ARHGAP24: variants seen among roughly 807,000 people sequenced by gnomAD.
The protein encoded by ARHGAP24 is rho GTPase-activating protein 24.
In ARHGAP24, 50 loss-of-function variants were observed where a neutral mutation model predicts 76.4. That is an observed-to-expected ratio of 0.65 (90% confidence interval 0.52 to 0.83). The LOEUF (loss-of-function observed/expected upper bound fraction) is 0.83, where lower values mean the gene tolerates loss of function less well. ARHGAP24 is among the 40% of genes least tolerant of loss of function. The pLI is 0.00. For missense variants in ARHGAP24, 930 were observed against 914.2 expected, an observed-to-expected ratio of 1.02 and a Z score of -0.22; for synonymous variants, 345 against 323.3, an observed-to-expected ratio of 1.07 and a Z score of -0.72.
At chr4:85,647,952 T>A (rs991046401) in intron 2 of ARHGAP24, among the ~76,000 whole-genome samples, 1 of 152,210 alleles carries the variant, frequency 6.6e-6, no homozygotes, top group African/African-American at 2.4e-5. Context: ...GGAAGGTATT[T>A]TTTTTCTAGA....
chr4:85,988,811 T>A (rs574239869), intron 8 of ARHGAP24, among the ~76,000 whole-genome samples: 1 of 151,710 alleles, frequency 6.6e-6, no homozygotes, highest in African/African-American at 2.4e-5. Context: ...TGTATACACA[T>A]CATTTAAAAT....
intron 1 of ARHGAP24, among the ~76,000 whole-genome samples, chr4:85,539,751 A>G (rs966827431): frequency 2.0e-5 from 3 of 152,164 alleles, no homozygotes; most frequent in Admixed American, 2.0e-4. Flanking sequence ...GTGTTTCTGA[A>G]GGAGTGACAG....
intron 3 of ARHGAP24, among the ~76,000 whole-genome samples, chr4:85,891,060 C>T (rs1733862767): frequency 6.6e-6 from 1 of 151,970 alleles, no homozygotes; most frequent in Non-Finnish European, 1.5e-5. Context: ...ATAATGATAA[C>T]CTGAAGCAGG....
At chr4:85,686,882 G>T (rs1723443546) in intron 2 of ARHGAP24, among the ~76,000 whole-genome samples, 1 of 151,918 alleles carries the variant, frequency 6.6e-6, no homozygotes, top group South Asian at 2.1e-4. Flanking sequence ...CAATAGCTAT[G>T]GTCATTACAA....
At chr4:85,756,426 A>G (rs1726497069) in intron 3 of ARHGAP24, among the ~76,000 whole-genome samples, 1 of 152,206 alleles carries the variant, frequency 6.6e-6, no homozygotes, top group Admixed American at 6.5e-5. Flanking sequence ...ATCATAATAT[A>G]ATTTTAGGGC....
intron 2 of ARHGAP24, among the ~76,000 whole-genome samples, chr4:85,671,870 G>A (rs183721313): frequency 2.0e-5 from 3 of 152,242 alleles, no homozygotes; most frequent in Admixed American, 2.0e-4. Flanking sequence ...TCCTAAAAAT[G>A]GACACTGAGA....
chr4:85,836,501 C>T (rs889839315), intron 3 of ARHGAP24, among the ~76,000 whole-genome samples: 2 of 152,178 alleles, frequency 1.3e-5, no homozygotes, highest in South Asian at 2.1e-4. Context: ...CTCAACATCA[C>T]CTTCCCTCTG....
chr4:85,945,322 T>C (rs1277463419), intron 5 of ARHGAP24, among the ~76,000 whole-genome samples: 1 of 152,118 alleles, frequency 6.6e-6, no homozygotes, highest in Non-Finnish European at 1.5e-5. Flanking sequence ...TTTGTATATT[T>C]TGTTGAGATG....
chr4:85,993,753 T>A (rs1460352920), intron 8 of ARHGAP24, among the ~76,000 whole-genome samples: 1 of 152,174 alleles, frequency 6.6e-6, no homozygotes, highest in Admixed American at 6.5e-5. Context: ...TTCTTTGTGA[T>A]TTTGGGCTGT....
chr4:85,741,971 T>A (rs1178328793), intron 3 of ARHGAP24, among the ~76,000 whole-genome samples: 1 of 152,190 alleles, frequency 6.6e-6, no homozygotes, highest in Non-Finnish European at 1.5e-5. Flanking sequence ...AATGAGAGGA[T>A]TATGGAAAAA....
intron 1 of ARHGAP24, among the ~76,000 whole-genome samples, chr4:85,524,948 G>A (rs1333071708): frequency 6.6e-6 from 1 of 152,126 alleles, no homozygotes; most frequent in Non-Finnish European, 1.5e-5. Context: ...CTAGGAGATG[G>A]CTTATGGATT....
At chr4:85,976,927 G>T (rs346476) in intron 7 of ARHGAP24, among the ~76,000 whole-genome samples, 99,794 of 151,398 alleles carry the variant, frequency 0.66, 34,085 homozygotes, top group African/African-American at 0.83. Context: ...GGATTACAGG[G>T]GCCCGCCACC....
intron 2 of ARHGAP24, among the ~76,000 whole-genome samples, chr4:85,711,080 G>T (rs1230925945): frequency 6.6e-6 from 1 of 152,134 alleles, no homozygotes; most frequent in Admixed American, 6.5e-5. Flanking sequence ...AGAACAACAA[G>T]ATCATGTCCT....
Position 86,001,739 on chromosome 4 carries a change from A to G in ARHGAP24, c.*1017A>G, listed in dbSNP as rs1325799705. On this transcript the variant is annotated 3_prime_UTR_variant, in exon 10 of 10. Transcript: ENST00000395184. Reference sequence around the variant, plus strand: ...CTGTTTCCCTCTGAGTGAAACTGCTAGAGTATATGTCACGTAGTGACATTT... The same window carrying G: ...CTGTTTCCCTCTGAGTGAAACTGCTGGAGTATATGTCACGTAGTGACATTT... 1 of 275,418 alleles carries G rather than the reference A, an allele frequency of 3.6e-6. No individual in the cohort carries two copies. Among genetic ancestry groups the G allele is most frequent in the Non-Finnish European group, 6.7e-6 (1 of 148,622 alleles). The allele number at this position is 275,418 out of a possible 1,614,324, so 17.1% of individuals were successfully genotyped here.
intron 3 of ARHGAP24, among the ~76,000 whole-genome samples, chr4:85,748,239 C>T (rs1433485395): frequency 6.6e-6 from 1 of 152,262 alleles, no homozygotes; most frequent in African/African-American, 2.4e-5. Flanking sequence ...AAACAAATTA[C>T]ACAATCCTCC....
intron 1 of ARHGAP24, among the ~76,000 whole-genome samples, chr4:85,505,536 G>A (rs771436054): frequency 2.6e-4 from 39 of 152,016 alleles, no homozygotes; most frequent in Non-Finnish European, 3.1e-4. Flanking sequence ...TTGTGCATGC[G>A]TCACAAAGTT....
chr4:85,664,993 G>T (rs561101418), intron 2 of ARHGAP24, among the ~76,000 whole-genome samples: 1 of 152,178 alleles, frequency 6.6e-6, no homozygotes, highest in Non-Finnish European at 1.5e-5. Context: ...ATATTCTATT[G>T]ATTTGGGTTG....
Position 85,949,390 on chromosome 4 carries a change from C to T in ARHGAP24, c.599+7117C>T, listed in dbSNP as rs149089888. Among the ~76,000 whole-genome samples, 581 of 152,294 alleles carry T rather than the reference C, an allele frequency of 3.8e-3. 5 individuals are homozygous for T. The highest frequency in any genetic ancestry group is 0.013 in the African/African-American group (545 of 41,554). ...TCAGATTCTGCAAGTGGGCAATGCT[C>T]GGCAGAAAAGCTCTGTCTCTGTTCC... On this transcript the variant is annotated intron_variant, in intron 5 of 9. Transcript: ENST00000395184.
At chr4:85,576,193 G>C (rs1187697529) in intron 2 of ARHGAP24, among the ~76,000 whole-genome samples, 3 of 91,618 alleles carry the variant, frequency 3.3e-5, no homozygotes, top group African/African-American at 8.4e-5. Context: ...ACTTTGGGAG[G>C]CCGAGGCGGG....
Sources: allele counts gnomAD v4.1 joint callset (sites outside exome capture counted in the v4.1 genomes callset), GRCh38; gene constraint gnomAD v4.1.1; transcripts MANE v1.5; gene names NCBI Gene and HGNC (gene_info 2026-07-23, HGNC 2026-07-21).